Variants in UNC5D observed in about 807,000 individuals in gnomAD.
UNC5D encodes unc-5 netrin receptor D, also known as netrin receptor UNC5D.
UNC5D carries 39 observed loss-of-function variants against 105.4 expected under a neutral mutation model. The ratio of observed to expected loss-of-function variants is 0.37; its 90% CI spans 0.29 to 0.48. The LOEUF is 0.48. Ranked by LOEUF, UNC5D falls within the 20% of genes least tolerant of loss-of-function variation. UNC5D has a pLI of 0.98. For missense variants in UNC5D, 991 were observed against 1,202.4 expected (o/e 0.82, Z 2.60); for synonymous variants, 452 against 450.4 (o/e 1.00, Z -0.04).
chr8:35,774,098 GTACACAATT>G (rs1412049072), intron 15 of UNC5D, among the ~76,000 whole-genome samples, 192 bp from the exon 16 acceptor site: 1 of 152,092 alleles, frequency 6.6e-6, no homozygotes, highest in Non-Finnish European at 1.5e-5. Flanking sequence ...TAAATTTCCA[GTACACAATT>G]TATTAGGCTA....
chr8:35,606,629 A>G (rs1442766699), intron 4 of UNC5D, among the ~76,000 whole-genome samples: 1 of 152,004 alleles, frequency 6.6e-6, no homozygotes, highest in African/African-American at 2.4e-5. Flanking sequence ...CTTTGTGTCC[A>G]TGTGTTCTCA....
chr8:35,782,380 A>T (rs747649890), intron 16 of UNC5D, among the ~76,000 whole-genome samples: 116 of 152,184 alleles, frequency 7.6e-4, no homozygotes, highest in Non-Finnish European at 1.5e-3. Context: ...TTCCATTATG[A>T]CTATGTTTCA....
At chr8:35,644,310 G>A (rs934059248) in intron 4 of UNC5D, among the ~76,000 whole-genome samples, 1 of 152,090 alleles carries the variant, frequency 6.6e-6, no homozygotes, top group South Asian at 2.1e-4. Flanking sequence ...TATACCTGTT[G>A]GTGGCCATGC....
chr8:35,487,593 A>ACACACACACACCCC (rs1415748793), intron 1 of UNC5D, among the ~76,000 whole-genome samples: 3 of 150,472 alleles, frequency 2.0e-5, no homozygotes, highest in Admixed American at 6.6e-5. Flanking sequence ...ACACACACAC[A>ACACACACACACCCC]CCCCACAGAC....
At chr8:35,572,034 C>G (rs1817760408) in intron 3 of UNC5D, among the ~76,000 whole-genome samples, 1 of 152,112 alleles carries the variant, frequency 6.6e-6, no homozygotes, top group South Asian at 2.1e-4. Context: ...CGCCTGTAAT[C>G]CCAACACTTT....
At chr8:35,298,969 C>T (rs888786654) in intron 1 of UNC5D, among the ~76,000 whole-genome samples, 2 of 152,074 alleles carry the variant, frequency 1.3e-5, no homozygotes, top group African/African-American at 4.8e-5. Flanking sequence ...AAAATTGGTA[C>T]ACCTGCAGTA....
chr8:35,733,634 C>T (rs1225858418), intron 11 of UNC5D, among the ~76,000 whole-genome samples: 1 of 152,212 alleles, frequency 6.6e-6, no homozygotes, highest in Non-Finnish European at 1.5e-5. Flanking sequence ...CAAACCACAT[C>T]TTTATGCTGT....
intron 16 of UNC5D, among the ~76,000 whole-genome samples, chr8:35,781,062 C>CA: frequency 6.6e-6 from 1 of 152,162 alleles, no homozygotes; most frequent in Non-Finnish European, 1.5e-5. Context: ...TCCTTGTAGT[C>CA]AAAAATACAA....
At chr8:35,683,783 A>T (rs1825828302) in intron 5 of UNC5D, 56 bp downstream of exon 5, 1 of 1,404,654 alleles carries the variant, frequency 7.1e-7, no homozygotes, top group Non-Finnish European at 9.3e-7. Flanking sequence ...AGGTAGAGGG[A>T]TGTGTGTTTT....
chr8:35,510,964 G>A (rs1812662837), intron 1 of UNC5D, among the ~76,000 whole-genome samples: 1 of 152,160 alleles, frequency 6.6e-6, no homozygotes, highest in African/African-American at 2.4e-5. Flanking sequence ...CAATTATATA[G>A]CAAAGCCTCC....
chr8:35,342,418 T>C (rs990092384), intron 1 of UNC5D, among the ~76,000 whole-genome samples: 1 of 152,064 alleles, frequency 6.6e-6, no homozygotes, highest in Non-Finnish European at 1.5e-5. Context: ...GTAATATGTG[T>C]GGGAAAACAG....
In UNC5D at chr8:35,795,647, C is replaced by T. The variant is rs1466395022; in HGVS notation, c.*5084C>T. 6.6e-6 allele frequency: 1 copy of T among 152,138 alleles called. No homozygotes were observed. The highest frequency in any genetic ancestry group is 2.4e-5 in the African/African-American group (1 of 41,430). The allele number at this position is 152,138 out of a possible 1,614,324, so 9.4% of individuals were successfully genotyped here. ...CTGTGCCAGGTATCAGAAATATAAGCCTCAGCAGAGGGTAACTGAAAACTT... is the reference window on the plus strand; with the variant it reads ...CTGTGCCAGGTATCAGAAATATAAGTCTCAGCAGAGGGTAACTGAAAACTT... On this transcript the variant is annotated 3_prime_UTR_variant, in exon 17 of 17. Transcript: ENST00000404895.
intron 1 of UNC5D, among the ~76,000 whole-genome samples, chr8:35,339,262 A>T (rs1025839801): frequency 1.3e-5 from 2 of 152,302 alleles, no homozygotes; most frequent in Middle Eastern, 3.4e-3. Context: ...GAAAACATTT[A>T]TTTTCCCCAT....
chr8:35,534,072 G>A (rs913021413), intron 1 of UNC5D, among the ~76,000 whole-genome samples: 9 of 152,080 alleles, frequency 5.9e-5, no homozygotes, highest in African/African-American at 1.4e-4. Context: ...GGCTCCTCCC[G>A]CCACAACTGG....
chr8:35,627,124 G>A (rs2131057952), intron 4 of UNC5D, among the ~76,000 whole-genome samples: 1 of 152,266 alleles, frequency 6.6e-6, no homozygotes, highest in Admixed American at 6.5e-5. Flanking sequence ...TGAACAAAAT[G>A]TATTCAGGGA....
intron 1 of UNC5D, among the ~76,000 whole-genome samples, chr8:35,332,857 G>C (rs1168218770): frequency 6.6e-6 from 1 of 152,170 alleles, no homozygotes; most frequent in Admixed American, 6.5e-5. Context: ...ATAAAGTCTT[G>C]ATCTCCACTC....
At chr8:35,550,305 T>C (rs1816030895) in intron 2 of UNC5D, among the ~76,000 whole-genome samples, 1 of 152,204 alleles carries the variant, frequency 6.6e-6, no homozygotes, top group South Asian at 2.1e-4. Flanking sequence ...CAAAGTGAGA[T>C]AATTTGACTC....
chr8:35,684,813 C>T (rs560521734), intron 6 of UNC5D, 64 bp downstream of exon 6: 4 of 1,484,124 alleles, frequency 2.7e-6, no homozygotes, highest in Non-Finnish European at 3.6e-6. Flanking sequence ...TGGTGTGAAA[C>T]AATCAATGTT....
intron 1 of UNC5D, among the ~76,000 whole-genome samples, chr8:35,324,497 C>A (rs1026675268): frequency 4.1e-4 from 63 of 152,040 alleles, no homozygotes; most frequent in African/African-American, 1.5e-3. Context: ...TCATAAATTG[C>A]AAAATGTGGT....
Sources: gnomAD v4.1 joint callset for allele counts (sites outside exome capture counted in the v4.1 genomes callset) on GRCh38, gnomAD v4.1.1 for gene constraint, MANE v1.5 for transcripts, NCBI Gene and HGNC (gene_info 2026-07-23, HGNC 2026-07-21) for gene names.